The following RBFOX3 variants were observed in gnomAD, a reference collection of about 807,000 sequenced individuals.
RBFOX3 encodes the protein RNA binding protein fox-1 homolog 3.
A neutral mutation model predicts 48.7 loss-of-function variants in RBFOX3; 17 were observed. The ratio of observed to expected loss-of-function variants is 0.35; its 90% CI spans 0.24 to 0.52. RBFOX3 has a LOEUF of 0.52. Ranked by LOEUF, RBFOX3 falls within the 20% of genes least tolerant of loss-of-function variation. The probability of loss-of-function intolerance (pLI) is 0.94; values close to 1 mark genes in which losing one functional copy is unlikely to be tolerated. For synonymous variants in RBFOX3, 212 were observed against 209.5 expected, an observed-to-expected ratio of 1.01 and a Z score of -0.10; for missense variants, 382 against 497.5, an observed-to-expected ratio of 0.77 and a Z score of 2.21.
chr17:79,542,961 A>G (rs1429696742), intron 1 of RBFOX3, among the ~76,000 whole-genome samples: 1 of 151,680 alleles, frequency 6.6e-6, no homozygotes, highest in Non-Finnish European at 1.5e-5. Context: ...TACACTTTTC[A>G]CTCTACACAC....
chr17:79,096,939 C>A, intron 11 of RBFOX3, 106 bp from the exon 12 acceptor site: 1 of 606,270 alleles, frequency 1.6e-6, no homozygotes, highest in South Asian at 2.0e-5. Flanking sequence ...TGCCCCCCAC[C>A]CCTTTAGTGA....
In RBFOX3 at chr17:79,479,245, T is replaced by C. The variant is rs1598875528; in HGVS notation, c.-175+3209A>G. Reference sequence around the variant, plus strand: ...CCAAGGGGTGGTTTTGGCGGCCCCTTCTCTGAAGCCCATGTCCAGGCTGCA... The same window carrying C: ...CCAAGGGGTGGTTTTGGCGGCCCCTCCTCTGAAGCCCATGTCCAGGCTGCA... On this transcript the variant is annotated intron_variant, in intron 2 of 14. Coordinates refer to ENST00000693108, the MANE Select transcript of RBFOX3 (RefSeq NM_001350451.2). This position sits in a 1 kb window ranked among gnomAD's most constrained non-coding sequence, Gnocchi z 5.1. Among the ~76,000 whole-genome samples, 1 of 152,256 alleles carries C rather than the reference T, an allele frequency of 6.6e-6. No homozygotes were observed. Among genetic ancestry groups the C allele is most frequent in the East Asian group, 1.9e-4 (1 of 5,168 alleles).
intron 1 of RBFOX3, among the ~76,000 whole-genome samples, chr17:79,511,705 A>G (rs1261615884): frequency 0.034 from 2,956 of 86,576 alleles, 1 homozygote; most frequent in Middle Eastern, 0.13. Context: ...CAGCCCCATG[A>G]CCAGGGGACG....
At chr17:79,613,253 G>A (rs1439876250), upstream of RBFOX3, among the ~76,000 whole-genome samples, 12 of 152,348 alleles carry the variant, frequency 7.9e-5, no homozygotes, top group African/African-American at 1.7e-4. Context: ...TCAGACGCCC[G>A]GGTGGTAAAC....
chr17:79,466,200 C>G (rs1173724761), intron 2 of RBFOX3, among the ~76,000 whole-genome samples: 1 of 152,234 alleles, frequency 6.6e-6, no homozygotes, highest in Non-Finnish European at 1.5e-5. Flanking sequence ...CCCCAGCGGC[C>G]TCCTCCCTCC....
chr17:79,475,852 G>A (rs1184156075), intron 2 of RBFOX3, among the ~76,000 whole-genome samples: 4 of 152,338 alleles, frequency 2.6e-5, no homozygotes, highest in Non-Finnish European at 5.9e-5. Flanking sequence ...AAAGGCCTCC[G>A]TGTGTGGGAC....
intron 3 of RBFOX3, among the ~76,000 whole-genome samples, chr17:79,283,000 G>A (rs2070944494): frequency 6.6e-6 from 1 of 152,208 alleles, no homozygotes; most frequent in African/African-American, 2.4e-5. Context: ...AAATTGAAAA[G>A]GGGAAGCCAC....
Position 79,284,633 on chromosome 17 carries a change from G to A in RBFOX3, c.-74+23091C>T, listed in dbSNP as rs1339509756. ...CGACTTACTGCAACCTCTGCCTCTG[G>A]GGTTCAAGGGATTCTCCGGCCTCAG... On this transcript the variant is annotated intron_variant, in intron 3 of 14. Coordinates refer to ENST00000693108, the MANE Select transcript of RBFOX3 (RefSeq NM_001350451.2). Among the ~76,000 whole-genome samples, 6 of 150,408 alleles carry A rather than the reference G, an allele frequency of 4.0e-5. No homozygotes were observed. The South Asian group carries it at 6.4e-4, about 16-fold the overall frequency.
intron 3 of RBFOX3, among the ~76,000 whole-genome samples, chr17:79,280,855 G>T: frequency 7.3e-6 from 1 of 137,376 alleles, no homozygotes; most frequent in South Asian, 2.7e-4. Flanking sequence ...GGGGGGGAGG[G>T]GAGGGTCTCC....
intron 2 of RBFOX3, among the ~76,000 whole-genome samples, chr17:79,312,811 G>A (rs1182562935): frequency 1.3e-5 from 2 of 152,208 alleles, no homozygotes; most frequent in Non-Finnish European, 2.9e-5. Context: ...CACATGTGAG[G>A]ATGGAGGGGC....
chr17:79,430,681 A>T (rs2068273373), intron 2 of RBFOX3, among the ~76,000 whole-genome samples: 1 of 152,118 alleles, frequency 6.6e-6, no homozygotes, highest in Admixed American at 6.5e-5. Context: ...AGTAGCTGGG[A>T]TTACAGGTAT....
At chr17:79,594,541 G>A (rs923865841) in intron 1 of RBFOX3, among the ~76,000 whole-genome samples, 40 of 152,248 alleles carry the variant, frequency 2.6e-4, no homozygotes, top group Middle Eastern at 3.4e-3. Flanking sequence ...GTGCAGCCCG[G>A]CCCCTGCGCA....
At chr17:79,107,245 G>C (rs569521132) in intron 5 of RBFOX3, among the ~76,000 whole-genome samples, 38 of 152,284 alleles carry the variant, frequency 2.5e-4, no homozygotes, top group African/African-American at 8.7e-4. Context: ...CCGAGGGTCC[G>C]CCTGTCCGAA....
Position 79,243,629 on chromosome 17 carries a change from C to T in RBFOX3, c.-73-7824G>A, listed in dbSNP as rs570952412. On this transcript the variant is annotated intron_variant, in intron 3 of 14. Transcript: ENST00000693108. The surrounding 1 kb of genome is among the most constrained non-coding windows in gnomAD (Gnocchi z 7.9). ...GGGGAAGGTGCTGGCTTTGCATGAG[C>T]GGAACTTAGCGCACACCTGTGGACT... 4.6e-5 allele frequency among the ~76,000 whole-genome samples: 7 copies of T among 152,172 alleles called. No individual in the cohort carries two copies. Among genetic ancestry groups the T allele is most frequent in the Admixed American group, 2.0e-4 (3 of 15,298 alleles).
intron 1 of RBFOX3, among the ~76,000 whole-genome samples, chr17:79,524,409 C>A (rs2086530512): frequency 6.6e-6 from 1 of 152,176 alleles, no homozygotes; most frequent in South Asian, 2.1e-4. Flanking sequence ...TCTTCGGCAA[C>A]CTCCCAATGG....
intron 14 of RBFOX3, chr17:79,092,713 A>T: frequency 1.3e-6 from 1 of 795,660 alleles, no homozygotes; most frequent in Non-Finnish European, 1.5e-6. Flanking sequence ...AAAAAGAAAA[A>T]AAAAAAGGAA....
chr17:79,170,120 A>AAGGAAGGAAGGAGGAAGG (rs1185053417), intron 4 of RBFOX3, among the ~76,000 whole-genome samples: 1 of 139,682 alleles, frequency 7.2e-6, no homozygotes, highest in African/African-American at 3.0e-5. Flanking sequence ...AGGAGGAAGG[A>AAGGAAGGAAGGAGGAAGG]AGGAAGGAAG....
chr17:79,401,398 CAA>C (rs1371592689), intron 2 of RBFOX3, among the ~76,000 whole-genome samples: 1 of 152,158 alleles, frequency 6.6e-6, no homozygotes, highest in African/African-American at 2.4e-5. Flanking sequence ...GTGAGCCCCC[CAA>C]AACGACTCCT....
In RBFOX3 at chr17:79,443,902, G is replaced by A. The variant is rs569929632; in HGVS notation, c.-175+38552C>T. ...ACAAGGAGAACAGAAATCCTACAGG[G>A]TACCCGTGACTTACTGGGCTATCCC... is the stretch of plus-strand genomic sequence containing the variant. On this transcript the variant is annotated intron_variant, in intron 2 of 14. Transcript: ENST00000693108. This position sits in a 1 kb window ranked among gnomAD's most constrained non-coding sequence, Gnocchi z 4.4. Among the ~76,000 whole-genome samples the A allele has an allele frequency of 4.6e-5, 7 of 152,232 alleles. No individual in the cohort carries two copies. Among genetic ancestry groups the A allele is most frequent in the South Asian group, 2.1e-4 (1 of 4,814 alleles).
Sources: allele counts gnomAD v4.1 joint callset (sites outside exome capture counted in the v4.1 genomes callset), GRCh38; gene constraint gnomAD v4.1.1; non-coding constraint Gnocchi (gnomAD v3.1); transcripts MANE v1.5; gene names NCBI Gene and HGNC (gene_info 2026-07-23, HGNC 2026-07-21).